The following ATF3 variants were observed in gnomAD, a reference collection of about 807,000 sequenced individuals.
The protein encoded by ATF3 is activating transcription factor 3.
A neutral mutation model predicts 18.4 loss-of-function variants in ATF3; 10 were observed. The ratio of observed to expected loss-of-function variants is 0.54; its 90% CI spans 0.34 to 0.92. The LOEUF (loss-of-function observed/expected upper bound fraction) is 0.92. ATF3 is among the 40% of genes least tolerant of loss of function. The pLI, the probability that ATF3 is intolerant of heterozygous loss-of-function variation, is 0.02. For synonymous variants in ATF3, 78 were observed against 87.9 expected (o/e 0.89, Z 0.63); for missense variants, 183 against 222.3 (o/e 0.82, Z 1.12).
chr1:212,618,416 G>A lies in ATF3; in HGVS notation c.348+182G>A. ...GAGGTGGCAAAGCAGTTAACACAAT[G>A]GATGTGACGGTGGATGTATAAAAAC... On this transcript the variant is annotated intron_variant, in intron 3 of 3. Transcript: ENST00000341491. This position sits in a 1 kb window ranked among gnomAD's most constrained non-coding sequence, Gnocchi z 4.4. The A allele has an allele frequency of 1.5e-6, 1 of 688,932 alleles. No individual in the cohort carries two copies. The highest frequency in any genetic ancestry group is 2.6e-6 in the Non-Finnish European group (1 of 381,696). 42.7% of individuals were successfully genotyped at this position (688,932 alleles called of 1,614,324 possible).
chr1:212,565,686 G>C lies in ATF3; in HGVS notation c.-5+203G>C, dbSNP rs1433689976. Reference sequence around the variant, plus strand: ...TGATCTGAGGGATAGGGATCGAAAAGTCCTGGAGTTAGGGTGCTGCAGAAT... The same window carrying C: ...TGATCTGAGGGATAGGGATCGAAAACTCCTGGAGTTAGGGTGCTGCAGAAT... On this transcript the variant is annotated intron_variant, in intron 1 of 3. Transcript: ENST00000366981. 2.6e-5 allele frequency among the ~76,000 whole-genome samples: 4 copies of C among 152,152 alleles called. No homozygotes were observed. In the South Asian group the frequency reaches 6.2e-4, roughly 24 times the overall value.
chr1:212,571,340 T>G (rs1664475979), intron 1 of ATF3, among the ~76,000 whole-genome samples: 1 of 152,234 alleles, frequency 6.6e-6, no homozygotes, highest in South Asian at 2.1e-4. Context: ...GGTAAATCTC[T>G]AAATTAATTT....
In ATF3 at chr1:212,618,135, TGAA is replaced by T. The variant is rs749964378; in HGVS notation, c.255_257del (p.Glu85del). 6.2e-7 allele frequency: 1 copy of T among 1,614,038 alleles called. No individual in the cohort carries two copies. The highest frequency in any genetic ancestry group is 8.5e-7 in the Non-Finnish European group (1 of 1,179,988). On this transcript the variant is annotated inframe_deletion, in exon 3 of 4. Coordinates refer to ENST00000341491, the MANE Select transcript of ATF3 (RefSeq NM_001674.4). This position sits in a 1 kb window ranked among gnomAD's most constrained non-coding sequence, Gnocchi z 4.4. ...TCTTTTGGATTTTACAGGTAGCCCC[TGAA>T]GAAGATGAAAGGAAAAAGAGGCGAC...
intron 1 of ATF3, among the ~76,000 whole-genome samples, chr1:212,572,909 A>G (rs1315733477): frequency 2.0e-5 from 3 of 152,194 alleles, no homozygotes; most frequent in Non-Finnish European, 4.4e-5. Flanking sequence ...TTCTACATAC[A>G]AATTTTTATA....
chr1:212,587,875 A>G (rs1664807888), intron 1 of ATF3, among the ~76,000 whole-genome samples: 1 of 149,772 alleles, frequency 6.7e-6, no homozygotes, highest in Admixed American at 6.6e-5. Flanking sequence ...AATTGTGGGA[A>G]ATGGGGAGTG....
chr1:212,619,661 C>G lies in ATF3; in HGVS notation c.*106C>G. On this transcript the variant is annotated 3_prime_UTR_variant, in exon 4 of 4. Transcript: ENST00000341491. This position sits in a 1 kb window ranked among gnomAD's most constrained non-coding sequence, Gnocchi z 4.4. ...TGTCTTCCTGTGTACCTCTAGAATC[C>G]CAGCAGCAGAGAACCATCAAGGCGG... 3 of 1,471,716 alleles carry G rather than the reference C, an allele frequency of 2.0e-6. No homozygotes were observed. Among genetic ancestry groups the G allele is most frequent in the Non-Finnish European group, 2.8e-6 (3 of 1,079,132 alleles). 91.2% of individuals were successfully genotyped at this position (1,471,716 alleles called of 1,614,324 possible).
Sources: allele counts gnomAD v4.1 joint callset (sites outside exome capture counted in the v4.1 genomes callset), GRCh38; gene constraint gnomAD v4.1.1; non-coding constraint Gnocchi (gnomAD v3.1); transcripts MANE v1.5; gene names NCBI Gene and HGNC (gene_info 2026-07-23, HGNC 2026-07-21).